Variants in MTREX observed in about 807,000 individuals in gnomAD.
MTREX encodes Mtr4 exosome RNA helicase, also known as exosome RNA helicase MTR4.
Under a neutral mutation model 135.4 loss-of-function variants are expected in MTREX, and 76 were observed. The observed-to-expected ratio is 0.56, with a 90% CI of 0.47 to 0.68. MTREX has a LOEUF of 0.68. Ranked by LOEUF, MTREX falls within the 30% of genes least tolerant of loss-of-function variation. MTREX has a pLI of 0.00. For missense variants in MTREX, 920 were observed against 1,262.1 expected (o/e 0.73, Z 4.11); for synonymous variants, 404 against 401.6 (o/e 1.01, Z -0.07).
chr5:55,310,993 G>C (rs1047327589), intron 1 of MTREX, among the ~76,000 whole-genome samples: 1 of 152,080 alleles, frequency 6.6e-6, no homozygotes, highest in South Asian at 2.1e-4. Context: ...TGTTGCCCAG[G>C]CTGGTTTCAA....
At chr5:55,326,660 G>A (rs1749383350) in intron 3 of MTREX, among the ~76,000 whole-genome samples, 1 of 151,872 alleles carries the variant, frequency 6.6e-6, no homozygotes, top group South Asian at 2.1e-4. Context: ...CAGTATTCTT[G>A]GTTGTGTCTT....
At chr5:55,359,257 G>A (rs570891478) in intron 15 of MTREX, among the ~76,000 whole-genome samples, 2 of 152,124 alleles carry the variant, frequency 1.3e-5, no homozygotes, top group South Asian at 4.1e-4. Flanking sequence ...ATTTTGTTTT[G>A]AAGAGCTTCT....
chr5:55,411,009 G>T (rs1322494863), intron 23 of MTREX, among the ~76,000 whole-genome samples: 1 of 152,150 alleles, frequency 6.6e-6, no homozygotes, highest in Non-Finnish European at 1.5e-5. Context: ...TCTCCTCCCC[G>T]GTGTTGAAGA....
At chr5:55,418,351 T>C (rs1327244669) in intron 25 of MTREX, among the ~76,000 whole-genome samples, 1 of 150,778 alleles carries the variant, frequency 6.6e-6, no homozygotes, top group Non-Finnish European at 1.5e-5. Flanking sequence ...TATGGATTAT[T>C]TTTTCTGTTC....
intron 17 of MTREX, 34 bp downstream of exon 17, chr5:55,378,520 A>C: frequency 6.4e-7 from 1 of 1,561,206 alleles, no homozygotes. Context: ...ATACTTGAAT[A>C]ATTCAATATT....
intron 19 of MTREX, 52 bp from the exon 20 acceptor site, chr5:55,397,364 A>C (rs1750661295): frequency 6.0e-6 from 7 of 1,175,738 alleles, no homozygotes; most frequent in Middle Eastern, 2.0e-4. Flanking sequence ...AAATAGTAGA[A>C]TATGAACATG....
intron 15 of MTREX, 29 bp downstream of exon 15, chr5:55,358,727 C>G: frequency 1.3e-6 from 2 of 1,545,730 alleles, no homozygotes. Flanking sequence ...TGTACCTTTA[C>G]CAAGAATTCC....
chr5:55,344,016 G>A (rs1393639136), intron 8 of MTREX, among the ~76,000 whole-genome samples: 1 of 151,924 alleles, frequency 6.6e-6, no homozygotes, highest in Non-Finnish European at 1.5e-5. Flanking sequence ...ATGTTCTCAT[G>A]AACTTATCTG....
In MTREX at chr5:55,340,188, A is replaced by T; in HGVS notation, c.690+4A>T. ...TTGTCTTGTTATGACCACAGAGGTA[A>T]TTCATGTAGTGCCTCATCTGACTTT... On this transcript the variant is annotated splice_donor_region_variant and intron_variant, in intron 6 of 26. Coordinates refer to ENST00000230640, the MANE Select transcript of MTREX (RefSeq NM_015360.5). 6.5e-7 allele frequency: 1 copy of T among 1,533,074 alleles called. No homozygotes were observed. Among genetic ancestry groups the T allele is most frequent in the Non-Finnish European group, 8.8e-7 (1 of 1,139,714 alleles). The allele number at this position is 1,533,074 out of a possible 1,614,324, so 95.0% of individuals were successfully genotyped here.
Position 55,405,427 on chromosome 5 carries a change from T to C in MTREX, c.2484T>C (p.Ile828=). The part of the protein sequence containing the change: ...VYTLCEKKAQ[I]AIDIKSAKRE... ...CTTTATACTTTCATGTGCTTTAGATTGCAATAGATATTAAATCTGCAAAGC... is the reference window on the plus strand; with the variant it reads ...CTTTATACTTTCATGTGCTTTAGATCGCAATAGATATTAAATCTGCAAAGC... The change falls in exon 22 of 27, where the codon ATT becomes ATC. Residue 828 remains isoleucine, a splice_region_variant and synonymous_variant. Coordinates refer to ENST00000230640, the MANE Select transcript of MTREX (RefSeq NM_015360.5). 1 of 1,611,270 alleles carries C rather than the reference T, an allele frequency of 6.2e-7. No individual in the cohort carries two copies. The highest frequency in any genetic ancestry group is 8.5e-7 in the Non-Finnish European group (1 of 1,177,776).
chr5:55,385,284 C>T (rs1260042679), intron 18 of MTREX, among the ~76,000 whole-genome samples: 1 of 152,056 alleles, frequency 6.6e-6, no homozygotes. Flanking sequence ...GCCTTATAAA[C>T]CAGGGGAAGG....
chr5:55,413,461 T>C (rs1039409223), intron 23 of MTREX, among the ~76,000 whole-genome samples: 3 of 152,052 alleles, frequency 2.0e-5, no homozygotes, highest in African/African-American at 7.2e-5. Context: ...TCACAAATAA[T>C]GTCTGTTATT....
Position 55,322,360 on chromosome 5 carries a change from A to G in MTREX, c.168A>G (p.Ser56=), listed in dbSNP as rs1289511062. ...KRFDGKLQSE[S]TNNGKNKRDV... ...TTGATGGTAAATTACAATCAGAATC[A>G]ACTAATAATGGAAAAAATAAGAGAG... Residue 56 remains serine, a synonymous_variant, in exon 2 of 27, where the codon TCA becomes TCG. Coordinates refer to ENST00000230640, the MANE Select transcript of MTREX (RefSeq NM_015360.5). 8.1e-6 allele frequency: 13 copies of G among 1,601,582 alleles called. No individual in the cohort carries two copies. Among genetic ancestry groups the G allele is most frequent in the Admixed American group, 1.7e-5 (1 of 58,054 alleles).
intron 5 of MTREX, among the ~76,000 whole-genome samples, chr5:55,334,224 T>C (rs1441714376): frequency 1.3e-5 from 2 of 152,030 alleles, no homozygotes; most frequent in Non-Finnish European, 2.9e-5. Flanking sequence ...TGGGAGGTGA[T>C]GAAAATACTA....
At chr5:55,361,100 A>AC (rs1355989622) in intron 15 of MTREX, among the ~76,000 whole-genome samples, 2 of 152,226 alleles carry the variant, frequency 1.3e-5, no homozygotes, top group African/African-American at 2.4e-5. Context: ...TTGACATGAG[A>AC]CAACAGTTTG....
chr5:55,354,585 T>C (rs1268956902), intron 14 of MTREX, among the ~76,000 whole-genome samples: 1 of 152,222 alleles, frequency 6.6e-6, no homozygotes, highest in Non-Finnish European at 1.5e-5. Flanking sequence ...TATTTTAAAA[T>C]GTTGGATGCT....
chr5:55,380,569 A>T (rs1459756021), intron 18 of MTREX, among the ~76,000 whole-genome samples: 1 of 152,134 alleles, frequency 6.6e-6, no homozygotes, highest in Non-Finnish European at 1.5e-5. Context: ...TTCTGATATG[A>T]TATATTACAT....
intron 1 of MTREX, among the ~76,000 whole-genome samples, chr5:55,312,263 TA>T (rs1749125698): frequency 6.6e-6 from 1 of 152,228 alleles, no homozygotes; most frequent in South Asian, 2.1e-4. Flanking sequence ...AAAGGCAGGA[TA>T]AATGCTTGAT....
At chr5:55,347,828 C>G (rs1275588402) in intron 11 of MTREX, among the ~76,000 whole-genome samples, 1 of 152,158 alleles carries the variant, frequency 6.6e-6, no homozygotes, top group African/African-American at 2.4e-5. Flanking sequence ...CTGGGGATGC[C>G]TCACAATCAT....
Sources: gnomAD v4.1 joint callset for allele counts (sites outside exome capture counted in the v4.1 genomes callset) on GRCh38, gnomAD v4.1.1 for gene constraint, MANE v1.5 for transcripts, NCBI Gene and HGNC (gene_info 2026-07-23, HGNC 2026-07-21) for gene names.